FANCM: variants seen among roughly 807,000 people sequenced by gnomAD.
The protein encoded by FANCM is Fanconi anemia group M protein.
A neutral mutation model predicts 199.5 loss-of-function variants in FANCM; 140 were observed. The ratio of observed to expected loss-of-function variants is 0.70; its 90% confidence interval spans 0.61 to 0.81. FANCM has a LOEUF of 0.81. FANCM is among the 30% of genes least tolerant of loss of function. The pLI, the probability that FANCM is intolerant of heterozygous loss-of-function variation, is 0.00. For missense variants in FANCM, 2,410 were observed against 2,421.4 expected (o/e 1.00, Z 0.10); for synonymous variants, 840 against 836.8 (o/e 1.00, Z -0.07).
In FANCM at chr14:45,175,186, C is replaced by A. The variant is rs1369920001; in HGVS notation, c.2432C>A (p.Thr811Asn). 5 of 1,610,640 alleles carry A rather than the reference C, an allele frequency of 3.1e-6. No homozygotes were observed. The African/African-American group carries it at 6.7e-5, about 22-fold the overall frequency. ...SNNLASDTFITHKKSSFIKNI... is the reference protein window; with the variant it reads ...SNNLASDTFINHKKSSFIKNI... ...AATCTTGCCAGTGACACCTTTATCA[C>A]TCACAAGAAATCGTCATTTATAAAG... Residue 811 changes from threonine (T) to asparagine (N), a missense_variant, in exon 14 of 23, where the codon ACT becomes AAT. Coordinates refer to ENST00000267430, the MANE Select transcript of FANCM (RefSeq NM_020937.4).
Position 45,135,955 on chromosome 14 carries a change from A to G in FANCM, c.-77A>G, listed in dbSNP as rs1052938494. The G allele has an allele frequency of 3.3e-6, 5 of 1,508,444 alleles. No individual in the cohort carries two copies. Among genetic ancestry groups the G allele is most frequent in the Non-Finnish European group, 4.6e-6 (5 of 1,088,784 alleles). The allele number at this position is 1,508,444 out of a possible 1,614,324, so 93.4% of individuals were successfully genotyped here. On this transcript the variant is annotated 5_prime_UTR_variant, in exon 1 of 23. It removes an upstream start codon present in the reference 5' UTR. Transcript: ENST00000267430. ...CCAGAGTTTTGTGCGAAGGAAACCG[A>G]TGGGGATCGGAACCGTAGCGGTTGA... is the stretch of plus-strand genomic sequence containing the variant.
intron 9 of FANCM, among the ~76,000 whole-genome samples, chr14:45,160,811 G>A (rs867758992): frequency 1.5e-4 from 23 of 152,134 alleles, no homozygotes; most frequent in African/African-American, 5.6e-4. Flanking sequence ...AAAGTGCTGG[G>A]ATTACAGGCG....
At position 45,151,546 on chromosome 14, in the gene FANCM, AATTTTG is replaced by A; in HGVS notation, c.1050+21_1050+26del. The A allele has an allele frequency of 6.2e-7, 1 of 1,605,012 alleles. No homozygotes were observed. The highest frequency in any genetic ancestry group is 8.5e-7 in the Non-Finnish European group (1 of 1,172,110). ...ATATTGTGGTAGGTATTTTTAAATA[AATTTTG>A]ATGACAGATTAAATTTTCACTGAAA... is the stretch of plus-strand genomic sequence containing the variant. On this transcript the variant is annotated intron_variant, in intron 5 of 22. Coordinates refer to ENST00000267430, the MANE Select transcript of FANCM (RefSeq NM_020937.4).
chr14:45,177,407 T>A (rs951299858), intron 14 of FANCM, among the ~76,000 whole-genome samples: 1 of 152,184 alleles, frequency 6.6e-6, no homozygotes, highest in Non-Finnish European at 1.5e-5. Context: ...TTTGTTTTTT[T>A]TGAGACGGAG....
intron 8 of FANCM, among the ~76,000 whole-genome samples, chr14:45,156,242 G>A (rs1210117544): frequency 1.3e-5 from 2 of 152,180 alleles, no homozygotes; most frequent in Admixed American, 1.3e-4. Context: ...TGGCAGTAGG[G>A]TGCTTGGTGT....
In FANCM at chr14:45,198,770, T is replaced by G. The variant is rs1890209653; in HGVS notation, c.5843T>G (p.Leu1948Arg). Reference sequence around the variant, plus strand: ...GAAACCGCAGATTTGCTAAAGGAACTGTCTTTAGTGGAACAAAGAAAGAAT... The same window carrying G: ...GAAACCGCAGATTTGCTAAAGGAACGGTCTTTAGTGGAACAAAGAAAGAAT... ...QEETADLLKELSLVEQRKNVG... is the reference protein window; with the variant it reads ...QEETADLLKERSLVEQRKNVG... Residue 1948 changes from leucine to arginine, a missense_variant, in exon 22 of 23, where the codon CTG (leucine) becomes CGG (arginine). Coordinates refer to ENST00000267430, the MANE Select transcript of FANCM (RefSeq NM_020937.4). The G allele has an allele frequency of 7.4e-6, 12 of 1,614,082 alleles. No individual in the cohort carries two copies. The highest frequency in any genetic ancestry group is 1.0e-5 in the Non-Finnish European group (12 of 1,179,962).
intron 14 of FANCM, among the ~76,000 whole-genome samples, chr14:45,179,905 G>C (rs1037408608): frequency 6.6e-6 from 1 of 151,960 alleles, no homozygotes; most frequent in African/African-American, 2.4e-5. Flanking sequence ...AAATTTTCTG[G>C]TACTACATTA....
At chr14:45,146,025 C>T (rs1442821456) in intron 3 of FANCM, among the ~76,000 whole-genome samples, 3 of 142,802 alleles carry the variant, frequency 2.1e-5, no homozygotes, top group East Asian at 4.1e-4. Flanking sequence ...CGCCACTGCA[C>T]TCCAGCCTGG....
Position 45,173,187 on chromosome 14 carries a change from A to T in FANCM, c.2293A>T (p.Ile765Leu). 1 of 1,613,926 alleles carries T rather than the reference A, an allele frequency of 6.2e-7. No individual in the cohort carries two copies. Among genetic ancestry groups the T allele is most frequent in the Non-Finnish European group, 8.5e-7 (1 of 1,179,860 alleles). ...CRHFIGLMQM[I>L]EGMRHEEGEC... Reference sequence around the variant, plus strand: ...CCATTTTATAGGCCTTATGCAAATGATAGAGGGAATGAGACACGAAGAGGT... The same window carrying T: ...CCATTTTATAGGCCTTATGCAAATGTTAGAGGGAATGAGACACGAAGAGGT... Residue 765 changes from isoleucine (I) to leucine (L), a missense_variant, in exon 13 of 23, where the codon ATA (isoleucine) becomes TTA (leucine). Physicochemically the swap from Ile to Leu is conservative, Grantham distance 5. Coordinates refer to ENST00000267430, the MANE Select transcript of FANCM (RefSeq NM_020937.4).
At chr14:45,183,132 T>A (rs1174858768) in intron 16 of FANCM, among the ~76,000 whole-genome samples, 1 of 152,192 alleles carries the variant, frequency 6.6e-6, no homozygotes, top group Non-Finnish European at 1.5e-5. Context: ...ATATAAGACT[T>A]CATTAGAAAA....
intron 2 of FANCM, chr14:45,138,022 T>TG (rs1885646343): frequency 6.6e-6 from 1 of 152,164 alleles, no homozygotes; most frequent in Admixed American, 6.6e-5. Flanking sequence ...CTGTGAAGAT[T>TG]GTGAGTTCTG....
In FANCM at chr14:45,183,800, T is replaced by C. The variant is rs1370871399; in HGVS notation, c.4413T>C (p.Ser1471=). 1 of 1,608,890 alleles carries C rather than the reference T, an allele frequency of 6.2e-7. No individual in the cohort carries two copies. Among genetic ancestry groups the C allele is most frequent in the South Asian group, 1.1e-5 (1 of 90,942 alleles). The change falls in exon 17 of 23, where the codon AGT becomes AGC. Residue 1471 remains serine (S), a synonymous_variant. Transcript: ENST00000267430. ...NRSELSSSDE[S]ENFPKPCSQL... Reference sequence around the variant, plus strand: ...CAGAATTATCATCTAGTGATGAGAGTGAGAATTTTCCCAAACCATGTTCAC... The same window carrying C: ...CAGAATTATCATCTAGTGATGAGAGCGAGAATTTTCCCAAACCATGTTCAC...
chr14:45,164,412 G>A lies in FANCM; in HGVS notation c.1635G>A (p.Val545=). The stretch of plus-strand genomic sequence containing the variant: ...ACAACACGCTGGTTTCTACCTGTGT[G>A]GGTGAAGAAGGTTTGGATATAGGAG... The part of the protein sequence containing the change: ...GGYNTLVSTC[V]GEEGLDIGEV... The change falls in exon 10 of 23, where the codon GTG becomes GTA. Residue 545 remains valine (V), a synonymous_variant. Transcript: ENST00000267430. 1 of 1,613,476 alleles carries A rather than the reference G, an allele frequency of 6.2e-7. No individual in the cohort carries two copies. Among genetic ancestry groups the A allele is most frequent in the South Asian group, 1.1e-5 (1 of 91,050 alleles).
At chr14:45,173,306 T>C (rs1457172692) in intron 13 of FANCM, 96 bp downstream of exon 13, 2 of 1,123,578 alleles carry the variant, frequency 1.8e-6, no homozygotes, top group South Asian at 1.3e-5. Context: ...AGAAATACTT[T>C]GTTTTTCTGT....
rs905448917 is a variant in FANCM at position 45,148,095 on chromosome 14, G to A, written c.760-742G>A. ...GCCTGTAATCCCAGCTACTGGGGAG[G>A]CTGAGGCAGGAGAATCGTTTGAACC... On this transcript the variant is annotated intron_variant, in intron 3 of 22. Coordinates refer to ENST00000267430, the MANE Select transcript of FANCM (RefSeq NM_020937.4). Among the ~76,000 whole-genome samples, 4 of 152,122 alleles carry A rather than the reference G, an allele frequency of 2.6e-5. No homozygotes were observed. The South Asian group carries it at 8.3e-4, about 32-fold the overall frequency.
intron 19 of FANCM, among the ~76,000 whole-genome samples, 179 bp downstream of exon 19, chr14:45,188,066 C>A (rs768892613): frequency 6.6e-6 from 1 of 152,106 alleles, no homozygotes; most frequent in Non-Finnish European, 1.5e-5. Flanking sequence ...TGGCCATGTG[C>A]GGTGGCTCAC....
intron 14 of FANCM, 71 bp from the exon 15 acceptor site, chr14:45,181,359 T>C: frequency 1.2e-6 from 1 of 803,044 alleles, no homozygotes; most frequent in Non-Finnish European, 2.1e-6. Flanking sequence ...TAGCCATCAA[T>C]AAAATAGATT....
intron 2 of FANCM, among the ~76,000 whole-genome samples, chr14:45,140,006 G>A (rs185658177): frequency 7.6e-4 from 115 of 152,122 alleles, no homozygotes; most frequent in Middle Eastern, 6.8e-3. Flanking sequence ...AAAATTTTTT[G>A]TGAGCTTTCC....
chr14:45,176,890 C>T lies in FANCM; in HGVS notation c.4136C>T (p.Ser1379Leu), dbSNP rs1888744459. 1 of 1,610,764 alleles carries T rather than the reference C, an allele frequency of 6.2e-7. No individual in the cohort carries two copies. Among genetic ancestry groups the T allele is most frequent in the Admixed American group, 1.7e-5 (1 of 59,942 alleles). The change falls in exon 14 of 23, where the codon TCA becomes TTA. Residue 1379 changes from serine to leucine, a missense_variant. Physicochemically the swap from Ser to Leu is moderately radical, Grantham distance 145. Coordinates refer to ENST00000267430, the MANE Select transcript of FANCM (RefSeq NM_020937.4). Reference sequence around the variant, plus strand: ...CAAAGATTCAAAGAAGCATTGAATTCAACTTTTGATTATTCAGAATTTTCT... The same window carrying T: ...CAAAGATTCAAAGAAGCATTGAATTTAACTTTTGATTATTCAGAATTTTCT... ...NLQRFKEALN[S>L]TFDYSEFSLE...
Sources: gnomAD v4.1 joint callset for allele counts (sites outside exome capture counted in the v4.1 genomes callset) on GRCh38, gnomAD v4.1.1 for gene constraint, MANE v1.5 for transcripts, NCBI Gene and HGNC (gene_info 2026-07-23, HGNC 2026-07-21) for gene names.